The following LRP1 variants were observed in gnomAD, a reference collection of about 807,000 sequenced individuals.
The protein encoded by LRP1 is LDL receptor related protein 1, also known as prolow-density lipoprotein receptor-related protein 1.
A neutral mutation model predicts 541.5 loss-of-function variants in LRP1; 51 were observed. The observed-to-expected ratio is 0.09, with a 90% CI of 0.08 to 0.12. The LOEUF is 0.12. Ranked by LOEUF, LRP1 falls within the 10% of genes least tolerant of loss-of-function variation. The pLI is 1.00. For synonymous variants in LRP1, 2,219 were observed against 2,470.8 expected (o/e 0.90, Z 3.02); for missense variants, 3,878 against 6,376.2 (o/e 0.61, Z 13.34).
At position 57,193,139 on chromosome 12, in the gene LRP1, C is replaced by T. The variant is rs201022912; in HGVS notation, c.7556-37C>T. On this transcript the variant is annotated intron_variant, in intron 45 of 88. Coordinates refer to ENST00000243077, the MANE Select transcript of LRP1 (RefSeq NM_002332.3). ...GAGGCGTGGGCACTGGGGCCCACAGCGCTGGCTCAGAAAGCTCCCTCCACC... is the reference window on the plus strand; with the variant it reads ...GAGGCGTGGGCACTGGGGCCCACAGTGCTGGCTCAGAAAGCTCCCTCCACC... 212 of 1,609,378 alleles carry T rather than the reference C, an allele frequency of 1.3e-4. 1 individual carries two copies. The highest frequency in any genetic ancestry group is 4.6e-4 in the Admixed American group (27 of 59,294).
rs1319578873 is a variant in LRP1, at chr12:57,203,240, C to T, written c.10771C>T (p.Arg3591Cys). The stretch of plus-strand genomic sequence containing the variant: ...TGCCAACGGCCGCTGCATCGCGGGG[C>T]GCTGGAAATGCGATGGAGACCACGA... ...SCANGRCIAG[R>C]WKCDGDHDCA... The change falls in exon 69 of 89, where the codon CGC becomes TGC. Residue 3591 changes from arginine (R) to cysteine (C), a missense_variant. Physicochemically the swap from Arg to Cys is radical, Grantham distance 180 (BLOSUM62 -3). Transcript: ENST00000243077. 6.2e-7 allele frequency: 1 copy of T among 1,611,160 alleles called. No individual in the cohort carries two copies. Among genetic ancestry groups the T allele is most frequent in the African/African-American group, 1.3e-5 (1 of 74,906 alleles).
Position 57,154,878 on chromosome 12 carries a change from G to A in LRP1, c.1227+177G>A, listed in dbSNP as rs974267658. The A allele has an allele frequency of 4.5e-5, 29 of 639,464 alleles. No homozygotes were observed. The highest frequency in any genetic ancestry group is 6.7e-5 in the Non-Finnish European group (24 of 356,658). 39.6% of individuals were successfully genotyped at this position (639,464 alleles called of 1,614,324 possible). A position where few individuals can be genotyped will look rare whatever the true frequency, so the allele number is the denominator to read the frequency against. On this transcript the variant is annotated intron_variant, in intron 8 of 88. Coordinates refer to ENST00000243077, the MANE Select transcript of LRP1 (RefSeq NM_002332.3). The surrounding 1 kb of genome is among the most constrained non-coding windows in gnomAD (Gnocchi z 4.6). ...ATACTGCAGAGAAAGGACAAGATACGGGTTCCACTGTGATGGGAACAGTCA... is the reference window on the plus strand; with the variant it reads ...ATACTGCAGAGAAAGGACAAGATACAGGTTCCACTGTGATGGGAACAGTCA...
chr12:57,129,130 G>A, intron 1 of LRP1, 99 bp downstream of exon 1: 28 of 1,293,422 alleles, frequency 2.2e-5, no homozygotes, highest in Non-Finnish European at 3.1e-5. Context: ...GGGAGGGGGT[G>A]CCTTTTGTTA....
chr12:57,169,571 C>T (rs2035905541), intron 20 of LRP1, among the ~76,000 whole-genome samples: 1 of 152,230 alleles, frequency 6.6e-6, no homozygotes, highest in Non-Finnish European at 1.5e-5. Context: ...AGCTTATTAT[C>T]TGGGTGGCCT....
chr12:57,175,430 G>T (rs1800179), intron 22 of LRP1, 30 bp from the exon 23 acceptor site: 3 of 1,610,016 alleles, frequency 1.9e-6, no homozygotes, highest in Non-Finnish European at 2.5e-6. Context: ...TTCTGACCCT[G>T]GGTCTGTTCC....
In LRP1 at chr12:57,202,543, T is replaced by TTGCCCCCC; in HGVS notation, c.10711+6_10711+7insTGCCCCCC. On this transcript the variant is annotated splice_region_variant and intron_variant, in intron 68 of 88. Coordinates refer to ENST00000243077, the MANE Select transcript of LRP1 (RefSeq NM_002332.3). The stretch of plus-strand genomic sequence containing the variant: ...CTCCGATGAAGAGAGCTGCAGTACG[T>TTGCCCCCC]CCCCACCCACCCAGCCCCGCATGAG... 6.6e-7 allele frequency: 1 copy of TTGCCCCCC among 1,523,604 alleles called. No homozygotes were observed. Among genetic ancestry groups the TTGCCCCCC allele is most frequent in the Non-Finnish European group, 8.9e-7 (1 of 1,124,802 alleles). The allele number at this position is 1,523,604 out of a possible 1,614,324, so 94.4% of individuals were successfully genotyped here.
At position 57,185,065 on chromosome 12, in the gene LRP1, C is replaced by T. The variant is rs1260801147; in HGVS notation, c.6339-16C>T. 1 of 1,614,034 alleles carries T rather than the reference C, an allele frequency of 6.2e-7. No individual in the cohort carries two copies. Among genetic ancestry groups the T allele is most frequent in the Non-Finnish European group, 8.5e-7 (1 of 1,180,026 alleles). ...GCCTCCACTGATGCCCTGCTTGTGC[C>T]CTGTCCTTCCCTCAGGACTCATGCC... On this transcript the variant is annotated splice_polypyrimidine_tract_variant and intron_variant, in intron 39 of 88. Transcript: ENST00000243077. This position sits in a 1 kb window ranked among gnomAD's most constrained non-coding sequence, Gnocchi z 4.9.
chr12:57,169,960 ATTAG>A (rs1344009362), intron 20 of LRP1, among the ~76,000 whole-genome samples: 2 of 152,236 alleles, frequency 1.3e-5, no homozygotes, highest in African/African-American at 2.4e-5. Flanking sequence ...ACACTACAGT[ATTAG>A]TTTCTCTCGT....
At chr12:57,133,569 C>G (rs757566653) in intron 1 of LRP1, among the ~76,000 whole-genome samples, 33 of 151,984 alleles carry the variant, frequency 2.2e-4, no homozygotes, top group Non-Finnish European at 4.4e-4. Context: ...CCCTTGCTGC[C>G]CCACCCCCAT....
intron 10 of LRP1, among the ~76,000 whole-genome samples, chr12:57,157,139 T>A (rs1215608580): frequency 6.6e-6 from 1 of 152,190 alleles, no homozygotes; most frequent in African/African-American, 2.4e-5. Context: ...CTAAACTGAT[T>A]CATTCAGCAA....
rs2034970753 is a variant in LRP1, at chr12:57,128,789, G to C, written c.-176G>C. 5 of 530,068 alleles carry C rather than the reference G, an allele frequency of 9.4e-6. No individual in the cohort carries two copies. The highest frequency in any genetic ancestry group is 1.7e-5 in the Non-Finnish European group (5 of 297,170). The allele number at this position is 530,068 out of a possible 1,614,324, so 32.8% of individuals were successfully genotyped here. The stretch of plus-strand genomic sequence containing the variant: ...CCCGTCAGCAGGCCCTCCCCAAGGG[G>C]CTCGGAACTCTACCTCTTCACCCAC... On this transcript the variant is annotated 5_prime_UTR_variant, in exon 1 of 89. Transcript: ENST00000243077.
At position 57,205,771 on chromosome 12, in the gene LRP1, A is replaced by C. The variant is rs1592662202; in HGVS notation, c.11590+94A>C. Reference sequence around the variant, plus strand: ...CTTGGAATGGAATGTCTTCCTGCGGACATCTTGCCCAGACAAGAAGCCCCA... The same window carrying C: ...CTTGGAATGGAATGTCTTCCTGCGGCCATCTTGCCCAGACAAGAAGCCCCA... On this transcript the variant is annotated intron_variant, in intron 75 of 88. Coordinates refer to ENST00000243077, the MANE Select transcript of LRP1 (RefSeq NM_002332.3). The surrounding 1 kb of genome is among the most constrained non-coding windows in gnomAD (Gnocchi z 4.6). 1.3e-6 allele frequency: 2 copies of C among 1,534,370 alleles called. No homozygotes were observed. The highest frequency in any genetic ancestry group is 4.6e-5 in the East Asian group (2 of 43,690).
In LRP1 at chr12:57,156,147, C is replaced by T; in HGVS notation, c.1281C>T (p.Asn427=). ...TTGAGAATTATCTCTATGCCACCAA[C>T]TCGGACAATGCCAATGCCCAGCAGA... ...TVFENYLYAT[N]SDNANAQQKT... The change falls in exon 9 of 89, where the codon AAC becomes AAT. Residue 427 remains asparagine (N), a synonymous_variant. Transcript: ENST00000243077. This position sits in a 1 kb window ranked among gnomAD's most constrained non-coding sequence, Gnocchi z 5.2. 1 of 1,614,072 alleles carries T rather than the reference C, an allele frequency of 6.2e-7. No individual in the cohort carries two copies. Among genetic ancestry groups the T allele is most frequent in the African/African-American group, 1.3e-5 (1 of 75,000 alleles).
chr12:57,142,487 T>C (rs927141516), intron 3 of LRP1, among the ~76,000 whole-genome samples: 16 of 152,124 alleles, frequency 1.1e-4, no homozygotes, highest in African/African-American at 2.9e-4. Flanking sequence ...CTTTGGTTGA[T>C]TTTGCATGTT....
intron 1 of LRP1, among the ~76,000 whole-genome samples, chr12:57,136,403 C>CA (rs1555179780): frequency 6.8e-6 from 1 of 147,484 alleles, no homozygotes. Context: ...GAGCCCCCCC[C>CA]CCCCGCCATT....
In LRP1 at chr12:57,201,158, G is replaced by A. The variant is rs2036645746; in HGVS notation, c.10345+5G>A. On this transcript the variant is annotated splice_donor_5th_base_variant and intron_variant, in intron 65 of 88. Coordinates refer to ENST00000243077, the MANE Select transcript of LRP1 (RefSeq NM_002332.3). This position sits in a 1 kb window ranked among gnomAD's most constrained non-coding sequence, Gnocchi z 6.4. ...GGGAGGATGAGAGGGACTGCCGTGAGTGTCAGAGGTGGTGGTGGGCCGGTG... is the reference window on the plus strand; with the variant it reads ...GGGAGGATGAGAGGGACTGCCGTGAATGTCAGAGGTGGTGGTGGGCCGGTG... 1 of 1,613,914 alleles carries A rather than the reference G, an allele frequency of 6.2e-7. No individual in the cohort carries two copies. The highest frequency in any genetic ancestry group is 8.5e-7 in the Non-Finnish European group (1 of 1,179,918).
intron 20 of LRP1, among the ~76,000 whole-genome samples, chr12:57,171,903 C>T (rs2035949976): frequency 6.6e-6 from 1 of 152,102 alleles, no homozygotes; most frequent in Non-Finnish European, 1.5e-5. Flanking sequence ...AGATCATGCC[C>T]TGGCCCTGCC....
chr12:57,143,197 T>C (rs990159192), intron 3 of LRP1, among the ~76,000 whole-genome samples: 1 of 152,194 alleles, frequency 6.6e-6, no homozygotes, highest in Non-Finnish European at 1.5e-5. Context: ...CTGAGGCCTC[T>C]AGGGCTCCGG....
intron 60 of LRP1, among the ~76,000 whole-genome samples, chr12:57,198,924 G>A (rs559375166): frequency 6.6e-6 from 1 of 152,340 alleles, no homozygotes; most frequent in East Asian, 1.9e-4. Context: ...CTGGCCCCAA[G>A]GAGGGTGGGG....
Sources: allele counts gnomAD v4.1 joint callset (sites outside exome capture counted in the v4.1 genomes callset), GRCh38; gene constraint gnomAD v4.1.1; non-coding constraint Gnocchi (gnomAD v3.1); transcripts MANE v1.5; gene names NCBI Gene and HGNC (gene_info 2026-07-23, HGNC 2026-07-21).